GFRAL: variants seen among roughly 807,000 people sequenced by gnomAD.
GFRAL encodes GDNF family receptor alpha-like.
Under a neutral mutation model 45.4 loss-of-function variants are expected in GFRAL, and 36 were observed. The observed-to-expected ratio is 0.79, with a 90% CI of 0.61 to 1.05. The LOEUF is 1.05. GFRAL is among the 50% of genes least tolerant of loss of function. The pLI, the probability that GFRAL is intolerant of heterozygous loss-of-function variation, is 0.00. For missense variants in GFRAL, 507 were observed against 467.5 expected, an observed-to-expected ratio of 1.08 and a Z score of -0.78; for synonymous variants, 166 against 154.1, an observed-to-expected ratio of 1.08 and a Z score of -0.57.
chr6:55,389,477 A>T (rs1359562709), intron 6 of GFRAL, among the ~76,000 whole-genome samples: 5 of 152,008 alleles, frequency 3.3e-5, no homozygotes, highest in South Asian at 2.1e-4. Flanking sequence ...TTCTTACTTT[A>T]AAAAAAATAG....
intron 6 of GFRAL, among the ~76,000 whole-genome samples, chr6:55,380,367 G>A (rs1768592256): frequency 6.6e-6 from 1 of 151,884 alleles, no homozygotes; most frequent in African/African-American, 2.4e-5. Flanking sequence ...CTATTGAGGA[G>A]TATTACTGGA....
chr6:55,384,699 A>G (rs1355676758), intron 6 of GFRAL, among the ~76,000 whole-genome samples: 1 of 152,048 alleles, frequency 6.6e-6, no homozygotes, highest in African/African-American at 2.4e-5. Flanking sequence ...TTTAACATCT[A>G]AGTCAAACCT....
chr6:55,388,496 A>G (rs1212836416), intron 6 of GFRAL, among the ~76,000 whole-genome samples: 1 of 152,186 alleles, frequency 6.6e-6, no homozygotes, highest in Non-Finnish European at 1.5e-5. Context: ...CTAGTATAAC[A>G]GACAGTCTAA....
chr6:55,364,952 G>A (rs1333648136), intron 6 of GFRAL, among the ~76,000 whole-genome samples: 1 of 151,702 alleles, frequency 6.6e-6, no homozygotes, highest in Non-Finnish European at 1.5e-5. Flanking sequence ...GAACTTTAAA[G>A]TAGTTTTTTC....
intron 5 of GFRAL, among the ~76,000 whole-genome samples, chr6:55,356,196 T>A (rs1399476284): frequency 6.6e-6 from 1 of 151,918 alleles, no homozygotes; most frequent in African/African-American, 2.4e-5. Context: ...CCTTGGTATG[T>A]CTTGTCTGGT....
At chr6:55,395,163 A>G (rs1479929106) in intron 6 of GFRAL, among the ~76,000 whole-genome samples, 3 of 73,544 alleles carry the variant, frequency 4.1e-5, no homozygotes, top group East Asian at 6.6e-4. Flanking sequence ...CAGCCTATGG[A>G]AAAAAAAAAA....
chr6:55,379,741 GTACAA>G (rs376328088), intron 6 of GFRAL, among the ~76,000 whole-genome samples: 151 of 151,908 alleles, frequency 9.9e-4, no homozygotes, highest in African/African-American at 3.3e-3. Flanking sequence ...TCACCATGTT[GTACAA>G]TACATCTCCT....
chr6:55,377,284 A>G (rs1768548100), intron 6 of GFRAL, among the ~76,000 whole-genome samples: 1 of 151,996 alleles, frequency 6.6e-6, no homozygotes, highest in Non-Finnish European at 1.5e-5. Flanking sequence ...CAAGGTGTCA[A>G]TTTTTATATA....
rs2127349536 is a variant in GFRAL, at chr6:55,331,844, A to G, written c.152A>G (p.Asp51Gly). ...AGAGTAATGGAAGATGCCTGCAATG[A>G]TTCAGGTAAACAAGTTGCTAAAAAT... The part of the protein sequence containing the change: ...AWRVMEDACN[D>G]SDPGDPCKMR... Residue 51 changes from aspartate to glycine, a missense_variant, in exon 2 of 9, where the codon GAT (aspartate) becomes GGT (glycine). By Grantham distance (94) the Asp-to-Gly change is moderately conservative. Coordinates refer to ENST00000340465, the MANE Select transcript of GFRAL (RefSeq NM_207410.2). 6.2e-7 allele frequency: 1 copy of G among 1,608,644 alleles called. No individual in the cohort carries two copies. The highest frequency in any genetic ancestry group is 8.5e-7 in the Non-Finnish European group (1 of 1,178,150).
chr6:55,331,262 T>G (rs115388810), intron 1 of GFRAL, among the ~76,000 whole-genome samples: 1,988 of 152,258 alleles, frequency 0.013, 23 homozygotes, highest in Non-Finnish European at 0.022. Flanking sequence ...ATCCTGGGAA[T>G]AATTTTAGCT....
Position 55,331,670 on chromosome 6 carries a change from T to C in GFRAL, c.23-45T>C, listed in dbSNP as rs760705828. On this transcript the variant is annotated intron_variant, in intron 1 of 8. Transcript: ENST00000340465. ...ATAACTTAGATTTGAAGAAAATGGA[T>C]GCCAAATTTATATTACAACCTTGTT... 26 of 1,565,922 alleles carry C rather than the reference T, an allele frequency of 1.7e-5. No individual in the cohort carries two copies. In the South Asian group the frequency reaches 2.9e-4, roughly 17 times the overall value.
chr6:55,333,594 A>C (rs1933178229), intron 2 of GFRAL, among the ~76,000 whole-genome samples, 192 bp from the exon 3 acceptor site: 1 of 152,194 alleles, frequency 6.6e-6, no homozygotes, highest in Non-Finnish European at 1.5e-5. Flanking sequence ...TAGAAAGTAC[A>C]TTATGGAAAA....
At chr6:55,355,830 C>G (rs1044214968) in intron 5 of GFRAL, among the ~76,000 whole-genome samples, 1 of 151,940 alleles carries the variant, frequency 6.6e-6, no homozygotes, top group South Asian at 2.1e-4. Context: ...CAGTTTTTCC[C>G]CATTTTATAT....
At chr6:55,380,788 T>G (rs920440843) in intron 6 of GFRAL, among the ~76,000 whole-genome samples, 1 of 152,016 alleles carries the variant, frequency 6.6e-6, no homozygotes, top group East Asian at 1.9e-4. Context: ...AGTAAATGAA[T>G]GAAAGTCAAC....
chr6:55,357,043 T>C (rs1768204793), intron 5 of GFRAL, among the ~76,000 whole-genome samples: 1 of 151,970 alleles, frequency 6.6e-6, no homozygotes, highest in Non-Finnish European at 1.5e-5. Flanking sequence ...TATTCCATTG[T>C]CATCAGAGAA....
intron 6 of GFRAL, among the ~76,000 whole-genome samples, chr6:55,397,894 AT>A (rs1371678461): frequency 6.6e-6 from 1 of 152,110 alleles, no homozygotes; most frequent in East Asian, 1.9e-4. Flanking sequence ...CGTATTTTTT[AT>A]AGTATCTTTT....
At chr6:55,339,559 C>T (rs1767935391) in intron 3 of GFRAL, among the ~76,000 whole-genome samples, 3 of 151,826 alleles carry the variant, frequency 2.0e-5, no homozygotes, top group Admixed American at 1.3e-4. Context: ...TTTGAAGAAA[C>T]CAAAAAGAAG....
intron 6 of GFRAL, among the ~76,000 whole-genome samples, chr6:55,378,125 G>A (rs894354752): frequency 2.6e-5 from 4 of 152,022 alleles, no homozygotes; most frequent in Non-Finnish European, 5.9e-5. Context: ...AGTGCTGAGT[G>A]GGTCCCCACA....
chr6:55,328,674 G>A (rs1446337322), intron 1 of GFRAL, among the ~76,000 whole-genome samples: 2 of 151,858 alleles, frequency 1.3e-5, no homozygotes, highest in Non-Finnish European at 2.9e-5. Context: ...AGATCAGGCA[G>A]CAATATAATG....
Sources: allele counts gnomAD v4.1 joint callset (sites outside exome capture counted in the v4.1 genomes callset), GRCh38; gene constraint gnomAD v4.1.1; transcripts MANE v1.5; gene names NCBI Gene and HGNC (gene_info 2026-07-23, HGNC 2026-07-21).